The following AFF3 variants were observed in gnomAD, a reference collection of about 807,000 sequenced individuals.
AFF3 encodes ALF transcription elongation factor 3, also known as AF4/FMR2 family member 3.
AFF3 carries 32 observed loss-of-function variants against 129.7 expected under a neutral mutation model. That is an observed-to-expected ratio of 0.25 (90% CI 0.19 to 0.33). The LOEUF (loss-of-function observed/expected upper bound fraction) is 0.33. Ranked by LOEUF, AFF3 falls within the 10% of genes least tolerant of loss-of-function variation. The pLI, the probability that AFF3 is intolerant of heterozygous loss-of-function variation, is 1.00. For synonymous variants in AFF3, 644 were observed against 635.4 expected (o/e 1.01, Z -0.20); for missense variants, 1,373 against 1,592.0 (o/e 0.86, Z 2.34).
chr2:100,062,826 C>T (rs1307843401), intron 4 of AFF3, among the ~76,000 whole-genome samples: 1 of 152,166 alleles, frequency 6.6e-6, no homozygotes, highest in East Asian at 1.9e-4. Flanking sequence ...AGAGAAAGAA[C>T]AGATGCAAAG....
intron 4 of AFF3, among the ~76,000 whole-genome samples, chr2:100,047,712 T>C (rs1189325838): frequency 1.3e-5 from 2 of 152,232 alleles, no homozygotes; most frequent in Admixed American, 6.5e-5. Context: ...CAACCATTAG[T>C]ATACTGATGA....
intron 8 of AFF3, among the ~76,000 whole-genome samples, chr2:99,781,847 A>G (rs1479245801): frequency 6.6e-6 from 1 of 152,244 alleles, no homozygotes; most frequent in Non-Finnish European, 1.5e-5. Flanking sequence ...AACCAAGTAT[A>G]GCAAAATATT....
rs1302251533 is a variant in AFF3 at position 99,594,111 on chromosome 2, C to T, written c.1550G>A (p.Ser517Asn). The change falls in exon 15 of 25, where the codon AGC becomes AAC. Residue 517 changes from serine to asparagine, a missense_variant. By Grantham distance (46) the Ser-to-Asn change is conservative. Around this residue, in one of 9 missense-constraint regions of AFF3, gnomAD observed 413 missense variants for 424.4 expected, o/e 0.97. Coordinates refer to ENST00000672756, the MANE Select transcript of AFF3 (RefSeq NM_001386135.1). ...CGKVPDVCQP[S>N]LREKEIKSTC... ...GCTCTTGATCTCCTTCTCTCTCAGGCTGGGCTGGCAAACGTCGGGGACTTT... is the reference window on the plus strand; with the variant it reads ...GCTCTTGATCTCCTTCTCTCTCAGGTTGGGCTGGCAAACGTCGGGGACTTT... The T allele has an allele frequency of 5.0e-6, 8 of 1,614,074 alleles. No homozygotes were observed. Among genetic ancestry groups the T allele is most frequent in the Non-Finnish European group, 5.1e-6 (6 of 1,179,970 alleles).
At chr2:99,677,637 C>T (rs370542912) in intron 11 of AFF3, among the ~76,000 whole-genome samples, 17 of 152,056 alleles carry the variant, frequency 1.1e-4, no homozygotes, top group South Asian at 8.3e-4. Flanking sequence ...GCAGGAGCTC[C>T]GTAGAGGAAA....
intron 1 of AFF3, among the ~76,000 whole-genome samples, chr2:100,138,646 T>A (rs1042010731): frequency 6.6e-6 from 1 of 152,130 alleles, no homozygotes; most frequent in Non-Finnish European, 1.5e-5. Context: ...AGGTGAAATC[T>A]TAAAAGATAC....
chr2:99,846,190 G>A (rs997382753), intron 7 of AFF3, among the ~76,000 whole-genome samples: 1 of 147,490 alleles, frequency 6.8e-6, no homozygotes, highest in Admixed American at 6.7e-5. Context: ...AGTGCAACGG[G>A]GTGATCTTGG....
At chr2:99,719,104 T>C (rs1367410114) in intron 11 of AFF3, among the ~76,000 whole-genome samples, 1 of 147,050 alleles carries the variant, frequency 6.8e-6, no homozygotes, top group African/African-American at 2.5e-5. Flanking sequence ...ATAAGTTTCC[T>C]TCTAGTCCTA....
chr2:99,732,048 C>T (rs968783783), intron 10 of AFF3, among the ~76,000 whole-genome samples: 1 of 152,150 alleles, frequency 6.6e-6, no homozygotes, highest in Admixed American at 6.5e-5. Context: ...CCACCCTTCC[C>T]ACCAGCTATT....
chr2:99,961,698 G>A (rs1001211579), intron 7 of AFF3, among the ~76,000 whole-genome samples: 1 of 152,210 alleles, frequency 6.6e-6, no homozygotes, highest in African/African-American at 2.4e-5. Flanking sequence ...AAGGTTCCAT[G>A]TGAAAGGTGA....
chr2:100,043,613 A>C (rs910389013), intron 4 of AFF3, among the ~76,000 whole-genome samples: 3 of 152,268 alleles, frequency 2.0e-5, no homozygotes, highest in Non-Finnish European at 2.9e-5. Context: ...AAAAAGTTTC[A>C]TAATGCAGGA....
At chr2:99,631,145 C>A (rs1390455668) in intron 13 of AFF3, 1 of 276,928 alleles carries the variant, frequency 3.6e-6, no homozygotes, top group Non-Finnish European at 7.8e-6. Context: ...CGCCAAAGTC[C>A]CAGGACTAGC....
At chr2:99,992,876 G>A (rs1680486414) in intron 7 of AFF3, among the ~76,000 whole-genome samples, 1 of 152,232 alleles carries the variant, frequency 6.6e-6, no homozygotes, top group African/African-American at 2.4e-5. Flanking sequence ...TGGTGACCCA[G>A]CTTAAAGACC....
intron 8 of AFF3, among the ~76,000 whole-genome samples, chr2:99,770,945 TG>T (rs538603196): frequency 4.6e-5 from 7 of 152,242 alleles, no homozygotes; most frequent in African/African-American, 1.7e-4. Flanking sequence ...CTTTGTTGCC[TG>T]GGTTTGGAGG....
chr2:99,773,033 G>A (rs1683614655), intron 8 of AFF3, among the ~76,000 whole-genome samples: 1 of 152,206 alleles, frequency 6.6e-6, no homozygotes, highest in East Asian at 1.9e-4. Flanking sequence ...GAGGCTCTGC[G>A]ACTTTCACCT....
intron 10 of AFF3, among the ~76,000 whole-genome samples, chr2:99,730,493 A>C (rs1442839965): frequency 1.3e-5 from 2 of 151,662 alleles, no homozygotes. Context: ...AATTCTGCAC[A>C]GGGAAGTTTT....
intron 15 of AFF3, among the ~76,000 whole-genome samples, chr2:99,588,475 C>G (rs1177410637): frequency 6.6e-6 from 1 of 152,156 alleles, no homozygotes; most frequent in Non-Finnish European, 1.5e-5. Context: ...ATCAGGCCAG[C>G]CTGTGTTTAA....
At chr2:99,959,134 G>A (rs780155559) in intron 7 of AFF3, among the ~76,000 whole-genome samples, 1 of 152,050 alleles carries the variant, frequency 6.6e-6, no homozygotes, top group Non-Finnish European at 1.5e-5. Flanking sequence ...AAGAGTAGAT[G>A]CTGAGCAGGC....
At chr2:99,812,734 A>G (rs1454689049) in intron 8 of AFF3, among the ~76,000 whole-genome samples, 1 of 152,224 alleles carries the variant, frequency 6.6e-6, no homozygotes, top group Non-Finnish European at 1.5e-5. Flanking sequence ...TACTTTCTAT[A>G]TGATTTCATC....
intron 18 of AFF3, among the ~76,000 whole-genome samples, chr2:99,577,179 G>C (rs1677078004): frequency 6.6e-6 from 1 of 152,214 alleles, no homozygotes; most frequent in Admixed American, 6.5e-5. Flanking sequence ...TAGCTTACAG[G>C]AGTTCATGCA....
Sources: allele counts gnomAD v4.1 joint callset (sites outside exome capture counted in the v4.1 genomes callset), GRCh38; gene constraint gnomAD v4.1.1; regional missense constraint gnomAD v4.1.1; transcripts MANE v1.5; gene names NCBI Gene and HGNC (gene_info 2026-07-23, HGNC 2026-07-21).